Variants in ESR1 observed in about 807,000 individuals in gnomAD.
ESR1 encodes estrogen receptor.
In ESR1, 12 loss-of-function variants were observed where a neutral mutation model predicts 52.7. That is an observed-to-expected ratio of 0.23 (90% confidence interval 0.15 to 0.37). The LOEUF is 0.37. Among genes scored for constraint, ESR1 ranks in the 10% least tolerant of loss-of-function variants. The pLI, the probability that ESR1 is intolerant of heterozygous loss-of-function variation, is 1.00. For missense variants in ESR1, 584 were observed against 779.7 expected (o/e 0.75, Z 2.99); for synonymous variants, 305 against 316.8 (o/e 0.96, Z 0.39).
At chr6:152,023,210 T>G (rs1406115748) in intron 5 of ESR1, among the ~76,000 whole-genome samples, 1 of 152,114 alleles carries the variant, frequency 6.6e-6, no homozygotes, top group Non-Finnish European at 1.5e-5. Context: ...AAAAAGGAAC[T>G]ATAAACCAGC....
At chr6:151,958,883 G>T (rs747257192) in intron 4 of ESR1, among the ~76,000 whole-genome samples, 3 of 152,098 alleles carry the variant, frequency 2.0e-5, no homozygotes, top group Non-Finnish European at 4.4e-5. Context: ...TGAAGTTTTT[G>T]CATCACTTCT....
chr6:152,122,424 C>T, intron 6 of ESR1: 1 of 1,614,082 alleles, frequency 6.2e-7, no homozygotes, highest in Non-Finnish European at 8.5e-7. Flanking sequence ...CTGCAGATGG[C>T]ATCTGCTTAG....
At chr6:151,697,109 G>C (rs1315151511) in intron 1 of ESR1, among the ~76,000 whole-genome samples, 1 of 152,130 alleles carries the variant, frequency 6.6e-6, no homozygotes, top group East Asian at 1.9e-4. Context: ...AAAGATGTTG[G>C]TGTAGGATTG....
chr6:151,974,822 G>A (rs535938367), intron 4 of ESR1, among the ~76,000 whole-genome samples: 5 of 152,286 alleles, frequency 3.3e-5, no homozygotes, highest in Admixed American at 6.5e-5. Flanking sequence ...GATCCCCAAA[G>A]CCGTCTTCAC....
chr6:152,027,186 G>T (rs908353044), intron 5 of ESR1, among the ~76,000 whole-genome samples: 1 of 152,030 alleles, frequency 6.6e-6, no homozygotes, highest in Non-Finnish European at 1.5e-5. Flanking sequence ...GGCTGGTCAC[G>T]AATTCCTGAC....
chr6:152,015,034 T>C (rs1357964103), intron 5 of ESR1, among the ~76,000 whole-genome samples: 1 of 152,136 alleles, frequency 6.6e-6, no homozygotes, highest in African/African-American at 2.4e-5. Flanking sequence ...GCCATTGCAC[T>C]CCAGCCTGGA....
intron 1 of ESR1, among the ~76,000 whole-genome samples, chr6:151,836,048 A>T (rs2128222791): frequency 6.6e-6 from 1 of 152,296 alleles, no homozygotes. Context: ...GAATGATTGG[A>T]GGCAGGAGAG....
At chr6:151,807,489 C>G (rs1026615146), upstream of ESR1, 5 of 292,576 alleles carry the variant, frequency 1.7e-5, no homozygotes, top group African/African-American at 1.1e-4. Flanking sequence ...CAGCCTCTAT[C>G]CAGCAGCGAC....
At chr6:151,918,166 C>G (rs992912408) in intron 3 of ESR1, among the ~76,000 whole-genome samples, 1 of 152,176 alleles carries the variant, frequency 6.6e-6, no homozygotes, top group Admixed American at 6.5e-5. Flanking sequence ...TTTCTTCAGT[C>G]ATGCTGTTGC....
In ESR1 at chr6:152,101,924, A is replaced by G. The variant is rs1017947652; in HGVS notation, c.*2958A>G. ...TAAAATGGCAGCTTCAGTTCTAGAG[A>G]AGAAAGAACAACATCAGCAGTAAAG... On this transcript the variant is annotated 3_prime_UTR_variant, in exon 8 of 8. Coordinates refer to ENST00000206249, the MANE Select transcript of ESR1 (RefSeq NM_000125.4). The G allele has an allele frequency of 8.2e-5, 18 of 218,740 alleles. No homozygotes were observed. The highest frequency in any genetic ancestry group is 1.6e-4 in the Non-Finnish European group (17 of 108,822). 13.5% of individuals were successfully genotyped at this position (218,740 alleles called of 1,614,324 possible).
At chr6:151,746,840 T>G (rs1783519754) in intron 2 of ESR1, among the ~76,000 whole-genome samples, 1 of 152,370 alleles carries the variant, frequency 6.6e-6, no homozygotes, top group East Asian at 1.9e-4. Context: ...CATTGCCAGC[T>G]GCATGAGTGC....
At chr6:151,680,515 C>T (rs1484131391) in intron 1 of ESR1, among the ~76,000 whole-genome samples, 2 of 152,130 alleles carry the variant, frequency 1.3e-5, no homozygotes, top group African/African-American at 4.8e-5. Flanking sequence ...GCCACCTTCT[C>T]CCTGTGTCCT....
chr6:151,888,134 G>A (rs560708220), intron 3 of ESR1, among the ~76,000 whole-genome samples: 1 of 152,136 alleles, frequency 6.6e-6, no homozygotes, highest in Admixed American at 6.5e-5. Context: ...GCTCCAGATT[G>A]TTTTGGCTAT....
At chr6:151,819,612 C>T (rs1780234063) in intron 1 of ESR1, among the ~76,000 whole-genome samples, 3 of 152,136 alleles carry the variant, frequency 2.0e-5, no homozygotes, top group African/African-American at 7.2e-5. Context: ...CCCATCACCC[C>T]CAGATGGGAC....
At chr6:151,870,195 C>CT (rs1474430027) in intron 2 of ESR1, among the ~76,000 whole-genome samples, 4 of 152,022 alleles carry the variant, frequency 2.6e-5, no homozygotes, top group South Asian at 2.1e-4. Flanking sequence ...TCTACTTTTT[C>CT]TTTTTTTCTT....
intron 2 of ESR1, among the ~76,000 whole-genome samples, chr6:151,856,543 A>C (rs1787868301): frequency 6.6e-6 from 1 of 152,222 alleles, no homozygotes; most frequent in Non-Finnish European, 1.5e-5. Flanking sequence ...AACTGATCTC[A>C]GAGAAGGAAG....
chr6:151,888,018 G>T (rs1170408550), intron 3 of ESR1, among the ~76,000 whole-genome samples: 1 of 152,066 alleles, frequency 6.6e-6, no homozygotes, highest in Non-Finnish European at 1.5e-5. Context: ...ATTTATTTCT[G>T]GGTTCTCTAT....
intron 3 of ESR1, among the ~76,000 whole-genome samples, chr6:151,905,220 C>T (rs1421260929): frequency 2.6e-5 from 4 of 152,060 alleles, no homozygotes; most frequent in Non-Finnish European, 5.9e-5. Context: ...AATGAAACAA[C>T]CTAGGAAGGA....
At chr6:152,086,387 CTTAATATTTATTTAAATAAATAA>C (rs1426757208) in intron 6 of ESR1, among the ~76,000 whole-genome samples, 71 of 148,090 alleles carry the variant, frequency 4.8e-4, no homozygotes, top group African/African-American at 1.6e-3. Flanking sequence ...TAAATAAATA[CTTAATATTTATTTAAATAAATAA>C]TATTTATTTT....
Sources: allele counts gnomAD v4.1 joint callset (sites outside exome capture counted in the v4.1 genomes callset), GRCh38; gene constraint gnomAD v4.1.1; transcripts MANE v1.5; gene names NCBI Gene and HGNC (gene_info 2026-07-23, HGNC 2026-07-21).